CNTNAP2: variants seen among roughly 807,000 people sequenced by gnomAD.
CNTNAP2 encodes the protein contactin associated protein 2, also known as contactin-associated protein-like 2.
Under a neutral mutation model 155.2 loss-of-function variants are expected in CNTNAP2, and 98 were observed. The observed-to-expected ratio is 0.63, with a 90% confidence interval of 0.54 to 0.75. The LOEUF (loss-of-function observed/expected upper bound fraction) is 0.75. CNTNAP2 is among the 30% of genes least tolerant of loss of function. The probability of loss-of-function intolerance (pLI) is 0.00; values close to 1 mark genes in which losing one functional copy is unlikely to be tolerated. For synonymous variants in CNTNAP2, 651 were observed against 631.2 expected (o/e 1.03, Z -0.47); for missense variants, 1,727 against 1,688.1 (o/e 1.02, Z -0.40).
intron 1 of CNTNAP2, among the ~76,000 whole-genome samples, chr7:146,662,158 C>G (rs1357333472): frequency 6.7e-6 from 1 of 150,164 alleles, no homozygotes. Context: ...TTTTTTTAGA[C>G]GGAGTCTTGC....
At chr7:146,456,912 T>G (rs1011978762) in intron 1 of CNTNAP2, among the ~76,000 whole-genome samples, 3 of 152,180 alleles carry the variant, frequency 2.0e-5, no homozygotes, top group Admixed American at 2.0e-4. Flanking sequence ...AAAGACAGTC[T>G]TAGAAATCAT....
intron 10 of CNTNAP2, among the ~76,000 whole-genome samples, chr7:147,456,096 T>C (rs2116577711): frequency 6.6e-6 from 1 of 152,288 alleles, no homozygotes; most frequent in East Asian, 1.9e-4. Context: ...ATAGTTTTGT[T>C]TATATCTTCA....
chr7:148,134,344 A>T (rs960276384), intron 16 of CNTNAP2, among the ~76,000 whole-genome samples: 29 of 152,174 alleles, frequency 1.9e-4, no homozygotes, highest in Non-Finnish European at 2.9e-4. Flanking sequence ...TAATTATAAC[A>T]CTGAATTATG....
intron 1 of CNTNAP2, among the ~76,000 whole-genome samples, chr7:146,374,986 G>A (rs537361602): frequency 1.3e-5 from 2 of 152,148 alleles, no homozygotes; most frequent in African/African-American, 2.4e-5. Context: ...ATATATTAAA[G>A]TGTGATTCAG....
intron 3 of CNTNAP2, among the ~76,000 whole-genome samples, chr7:146,922,962 C>A (rs1025537853): frequency 2.6e-5 from 4 of 152,130 alleles, no homozygotes; most frequent in Non-Finnish European, 4.4e-5. Flanking sequence ...CACAGGAATG[C>A]ATGCTTGACA....
intron 5 of CNTNAP2, 126 bp downstream of exon 5, chr7:147,108,476 T>A: frequency 2.4e-6 from 2 of 835,296 alleles, no homozygotes; most frequent in Non-Finnish European, 3.6e-6. Context: ...AATTCATACT[T>A]AATCTATAAC....
At chr7:148,013,820 G>C (rs1255548574) in intron 15 of CNTNAP2, among the ~76,000 whole-genome samples, 1 of 152,082 alleles carries the variant, frequency 6.6e-6, no homozygotes, top group African/African-American at 2.4e-5. Context: ...TTAAGTAACA[G>C]CATGAGTAAT....
intron 3 of CNTNAP2, among the ~76,000 whole-genome samples, chr7:146,844,623 A>C (rs1562970646): frequency 6.6e-6 from 1 of 152,158 alleles, no homozygotes; most frequent in Non-Finnish European, 1.5e-5. Flanking sequence ...TTGCTTGGGA[A>C]ATTCAATTAC....
At chr7:147,223,543 A>G (rs1419936979) in intron 8 of CNTNAP2, among the ~76,000 whole-genome samples, 1 of 152,188 alleles carries the variant, frequency 6.6e-6, no homozygotes, top group East Asian at 1.9e-4. Flanking sequence ...GGGGAAAAGC[A>G]TTGTAGGATA....
At chr7:147,628,263 A>C (rs563146710) in intron 12 of CNTNAP2, among the ~76,000 whole-genome samples, 1 of 152,366 alleles carries the variant, frequency 6.6e-6, no homozygotes, top group South Asian at 2.1e-4. Context: ...AGGAAAACCT[A>C]TCAGATTAAT....
intron 1 of CNTNAP2, among the ~76,000 whole-genome samples, chr7:146,772,417 G>A (rs1802308247): frequency 6.6e-6 from 1 of 151,660 alleles, no homozygotes; most frequent in South Asian, 2.1e-4. Context: ...CCAGCACTTT[G>A]GGAGGCCGAG....
At chr7:146,176,743 T>A (rs1295675472) in intron 1 of CNTNAP2, among the ~76,000 whole-genome samples, 2 of 152,214 alleles carry the variant, frequency 1.3e-5, no homozygotes, top group Non-Finnish European at 2.9e-5. Context: ...TGTGACTGCT[T>A]TATTATTAGA....
chr7:147,448,482 GTGTA>G (rs772977290), intron 10 of CNTNAP2, among the ~76,000 whole-genome samples: 14 of 103,316 alleles, frequency 1.4e-4, no homozygotes, highest in Admixed American at 2.1e-4. Flanking sequence ...ATGTGTGTGT[GTGTA>G]TATATATATA....
rs887972432 is a variant in CNTNAP2, at chr7:147,314,732, G to A, written c.1498+14442G>A. On this transcript the variant is annotated intron_variant, in intron 9 of 23. Transcript: ENST00000361727. ...AGAGATGGACTCAAGGATTCCATAT[G>A]TATACATGATTTTAGGTTTAATATT... 5.3e-5 allele frequency among the ~76,000 whole-genome samples: 8 copies of A among 151,034 alleles called. No homozygotes were observed. The East Asian group carries it at 7.8e-4, about 15-fold the overall frequency.
chr7:148,058,875 T>C (rs1251060871), intron 15 of CNTNAP2, among the ~76,000 whole-genome samples: 1 of 152,132 alleles, frequency 6.6e-6, no homozygotes, highest in Non-Finnish European at 1.5e-5. Flanking sequence ...TTGTTACCTT[T>C]AGGGAAATGG....
intron 15 of CNTNAP2, among the ~76,000 whole-genome samples, chr7:148,002,061 AC>A (rs1382574727): frequency 6.6e-6 from 1 of 152,220 alleles, no homozygotes; most frequent in Non-Finnish European, 1.5e-5. Context: ...CATTAAGTTC[AC>A]AAATTTTCTC....
chr7:148,196,338 T>C (rs1795277508), intron 18 of CNTNAP2, among the ~76,000 whole-genome samples: 1 of 152,228 alleles, frequency 6.6e-6, no homozygotes, highest in Non-Finnish European at 1.5e-5. Flanking sequence ...TATTAGACTT[T>C]TCTAGTTCCT....
At chr7:148,220,344 C>T (rs1052026874) in intron 19 of CNTNAP2, among the ~76,000 whole-genome samples, 4 of 152,142 alleles carry the variant, frequency 2.6e-5, no homozygotes, top group Admixed American at 6.5e-5. Flanking sequence ...CCTCGTGATC[C>T]GCCCGCCTCG....
intron 1 of CNTNAP2, among the ~76,000 whole-genome samples, chr7:146,140,999 A>C (rs1007655306): frequency 3.9e-5 from 6 of 152,210 alleles, no homozygotes; most frequent in Admixed American, 2.0e-4. Context: ...ATCTCTTTAC[A>C]AATTTCTGAA....
Sources: gnomAD v4.1 joint callset for allele counts (sites outside exome capture counted in the v4.1 genomes callset) on GRCh38, gnomAD v4.1.1 for gene constraint, MANE v1.5 for transcripts, NCBI Gene and HGNC (gene_info 2026-07-23, HGNC 2026-07-21) for gene names.